Variants in VWF observed in about 807,000 individuals in gnomAD.
VWF encodes von Willebrand factor.
A neutral mutation model predicts 308.6 loss-of-function variants in VWF; 176 were observed. The observed-to-expected ratio is 0.57, with a 90% CI of 0.50 to 0.65. VWF has a LOEUF of 0.65. Ranked by LOEUF, VWF falls within the 30% of genes least tolerant of loss-of-function variation. The pLI is 0.00. For missense variants in VWF, 3,146 were observed against 3,648.2 expected, an observed-to-expected ratio of 0.86 and a Z score of 3.55; for synonymous variants, 1,385 against 1,443.4, an observed-to-expected ratio of 0.96 and a Z score of 0.92.
At chr12:6,026,887 TAC>T (rs2136421899) in intron 22 of VWF, among the ~76,000 whole-genome samples, 1 of 152,238 alleles carries the variant, frequency 6.6e-6, no homozygotes, top group East Asian at 1.9e-4. Flanking sequence ...AGTAAATACA[TAC>T]AGTTAAATGT....
chr12:6,083,303 C>T (rs930697689), intron 6 of VWF, among the ~76,000 whole-genome samples: 1 of 152,166 alleles, frequency 6.6e-6, no homozygotes, highest in Non-Finnish European at 1.5e-5. Context: ...CGTGAGCCAC[C>T]GCAACCGGCC....
At chr12:5,949,235 A>C in intron 51 of VWF, 32 bp from the exon 52 acceptor site, 1 of 1,608,762 alleles carries the variant, frequency 6.2e-7, no homozygotes, top group Non-Finnish European at 8.5e-7. Context: ...TGGGAGCTTC[A>C]CAATGGTGGG....
Position 6,057,076 on chromosome 12 carries a change from T to TCAC in VWF, c.1730-5_1730-4insGTG. On this transcript the variant is annotated splice_polypyrimidine_tract_variant and splice_region_variant and intron_variant, in intron 14 of 51. Transcript: ENST00000261405. ...CACGCCTCCTCGGAGAACCTGGCTG[T>TCAC]GGGGCGAGAGGAGCGAGCCTGGGAT... is the stretch of plus-strand genomic sequence containing the variant. 5 of 1,534,572 alleles carry TCAC rather than the reference T, an allele frequency of 3.3e-6. No homozygotes were observed. The highest frequency in any genetic ancestry group is 4.4e-6 in the Non-Finnish European group (5 of 1,146,628).
chr12:6,050,297 T>C (rs1196176336), intron 16 of VWF, among the ~76,000 whole-genome samples: 2 of 152,212 alleles, frequency 1.3e-5, no homozygotes, highest in African/African-American at 4.8e-5. Flanking sequence ...CTCTGGCTTC[T>C]GGCTTCCACT....
chr12:6,095,689 T>G, intron 5 of VWF, 105 bp from the exon 6 acceptor site: 1 of 1,547,944 alleles, frequency 6.5e-7, no homozygotes, highest in Non-Finnish European at 8.9e-7. Context: ...TTTGTTTTAA[T>G]TTTTTATAAA....
intron 9 of VWF, 96 bp from the exon 10 acceptor site, chr12:6,071,439 A>C: frequency 7.3e-7 from 1 of 1,365,256 alleles, no homozygotes; most frequent in Non-Finnish European, 1.0e-6. Flanking sequence ...CAGTCCCCAA[A>C]CGAAGGGATG....
intron 50 of VWF, among the ~76,000 whole-genome samples, chr12:5,950,534 C>T (rs1219532477): frequency 6.6e-6 from 1 of 152,064 alleles, no homozygotes; most frequent in African/African-American, 2.4e-5. Context: ...AGTCTGAACA[C>T]TGGGAGTTTT....
chr12:6,075,420 G>A lies in VWF; in HGVS notation c.789C>T (p.Cys263=), dbSNP rs748057326. The A allele has an allele frequency of 9.5e-5, 154 of 1,614,016 alleles. 2 individuals carry two copies. The Admixed American group carries it at 1.9e-3, about 19-fold the overall frequency. ...CGTACTCCAGGAGGGCAGGGCAGGC[G>A]CACTCCAGCCCCCCAGCACACTCAC... ...TLCECAGGLE[C]ACPALLEYAR... is the part of the protein sequence containing the mutation. Residue 263 remains cysteine (C), a synonymous_variant, in exon 7 of 52, where the codon TGC becomes TGT. Transcript: ENST00000261405. This position sits in a 1 kb window ranked among gnomAD's most constrained non-coding sequence, Gnocchi z 4.7.
At chr12:6,083,309 C>T (rs1047810193) in intron 6 of VWF, among the ~76,000 whole-genome samples, 14 of 152,174 alleles carry the variant, frequency 9.2e-5, no homozygotes, top group African/African-American at 1.4e-4. Flanking sequence ...CCACCGCAAC[C>T]GGCCTGATCC....
At chr12:6,115,729 A>T (rs540805033) in intron 3 of VWF, among the ~76,000 whole-genome samples, 30 of 152,318 alleles carry the variant, frequency 2.0e-4, no homozygotes, top group Admixed American at 4.6e-4. Context: ...ATTCAGCGCC[A>T]GACACTTCCC....
intron 32 of VWF, 108 bp from the exon 33 acceptor site, chr12:6,012,238 A>G: frequency 8.4e-7 from 1 of 1,186,834 alleles, no homozygotes; most frequent in Non-Finnish European, 1.3e-6. Flanking sequence ...AGTCAACTCA[A>G]CTCTGAAAAG....
At chr12:5,992,968 A>C (rs1406143117) in intron 37 of VWF, among the ~76,000 whole-genome samples, 3 of 152,210 alleles carry the variant, frequency 2.0e-5, no homozygotes, top group Non-Finnish European at 1.5e-5. Context: ...CAGAGCCCTA[A>C]GGAACCTACA....
chr12:6,004,504 C>G (rs1286458555), intron 34 of VWF, among the ~76,000 whole-genome samples: 2 of 151,748 alleles, frequency 1.3e-5, no homozygotes, highest in Non-Finnish European at 2.9e-5. Context: ...CACTGCTATT[C>G]AACATTGTAC....
At chr12:6,088,863 A>C (rs1239935285) in intron 6 of VWF, among the ~76,000 whole-genome samples, 1 of 152,244 alleles carries the variant, frequency 6.6e-6, no homozygotes, top group Non-Finnish European at 1.5e-5. Context: ...TATCAGTCCC[A>C]GTGGAGACAG....
rs61748477 is a variant in VWF, at chr12:6,044,361, G to A, written c.2372C>T (p.Thr791Met). 29 of 1,614,030 alleles carry A rather than the reference G, an allele frequency of 1.8e-5. No homozygotes were observed. Among genetic ancestry groups the A allele is most frequent in the Admixed American group, 3.3e-5 (2 of 60,000 alleles). ...LRAEGLECTK[T>M]CQNYDLECMS... ...GCACTCCAGGTCATAGTTCTGGCAC[G>A]TTTTGGTACACTCGAGCCCTTCAGC... The change falls in exon 18 of 52, where the codon ACG (threonine) becomes ATG (methionine). Residue 791 changes from threonine to methionine, a missense_variant. This residue lies in a region of VWF where 1,304 missense variants were observed against 1,353.0 expected (regional missense o/e 0.96). Coordinates refer to ENST00000261405, the MANE Select transcript of VWF (RefSeq NM_000552.5).
rs1286572448 is a variant in VWF at position 6,044,360 on chromosome 12, C to T, written c.2373G>A (p.Thr791=). 13 of 1,614,042 alleles carry T rather than the reference C, an allele frequency of 8.1e-6. No homozygotes were observed. Among genetic ancestry groups the T allele is most frequent in the South Asian group, 3.3e-5 (3 of 91,084 alleles). The change falls in exon 18 of 52, where the codon ACG becomes ACA. Residue 791 remains threonine, a synonymous_variant. Transcript: ENST00000261405. ...LRAEGLECTK[T]CQNYDLECMS... is the part of the protein sequence containing the mutation. ...TGCACTCCAGGTCATAGTTCTGGCA[C>T]GTTTTGGTACACTCGAGCCCTTCAG...
At chr12:6,041,498 G>C (rs1435737251) in intron 18 of VWF, among the ~76,000 whole-genome samples, 1 of 151,758 alleles carries the variant, frequency 6.6e-6, no homozygotes, top group African/African-American at 2.4e-5. Context: ...GCTCAGGCTG[G>C]AGTGCAGTGG....
chr12:5,997,291 T>A (rs768573003), intron 34 of VWF, among the ~76,000 whole-genome samples: 5 of 152,144 alleles, frequency 3.3e-5, no homozygotes, highest in Non-Finnish European at 7.4e-5. Flanking sequence ...CTGCAAGTGA[T>A]CCCCAACACG....
At chr12:6,108,334 T>TATACACACACACACAC (rs374693235) in intron 5 of VWF, among the ~76,000 whole-genome samples, 3,056 of 124,034 alleles carry the variant, frequency 0.025, 74 homozygotes, top group Non-Finnish European at 0.04. Flanking sequence ...AAGAAATATA[T>TATACACACACACACAC]ACACACACAC....
Sources: allele counts gnomAD v4.1 joint callset (sites outside exome capture counted in the v4.1 genomes callset), GRCh38; gene constraint gnomAD v4.1.1; regional missense constraint gnomAD v4.1.1; non-coding constraint Gnocchi (gnomAD v3.1); transcripts MANE v1.5; gene names NCBI Gene and HGNC (gene_info 2026-07-23, HGNC 2026-07-21).